Variants in RANBP2 observed in about 807,000 individuals in gnomAD.
RANBP2 encodes the protein E3 SUMO-protein ligase RanBP2.
A neutral mutation model predicts 303.6 loss-of-function variants in RANBP2; 57 were observed. The observed-to-expected ratio is 0.19, with a 90% CI of 0.15 to 0.23. RANBP2 has a LOEUF of 0.23. RANBP2 is among the 10% of genes least tolerant of loss of function. The probability of loss-of-function intolerance (pLI) is 1.00; values close to 1 mark genes in which losing one functional copy is unlikely to be tolerated. For synonymous variants in RANBP2, 1,167 were observed against 1,301.5 expected (o/e 0.90, Z 2.23); for missense variants, 3,138 against 3,780.8 (o/e 0.83, Z 4.46).
chr2:109,560,692 G>A, the RANBP2 span, among the ~76,000 whole-genome samples: 69 of 152,194 alleles, frequency 4.5e-4, no homozygotes, highest in African/African-American at 1.6e-3. Context: ...GACCTCCATT[G>A]TGCCTACCAC....
chr2:109,144,467 T>C, the RANBP2 span, among the ~76,000 whole-genome samples: 3 of 152,242 alleles, frequency 2.0e-5, no homozygotes, highest in African/African-American at 7.2e-5. Flanking sequence ...GTTTCCTGTG[T>C]GTCTGAAGGC....
At chr2:109,489,569 C>T in the RANBP2 span, among the ~76,000 whole-genome samples, 15 of 152,340 alleles carry the variant, frequency 9.8e-5, no homozygotes, top group Non-Finnish European at 2.9e-5. Flanking sequence ...CCAGGCTTGG[C>T]CAGGGTCCCG....
the RANBP2 span, among the ~76,000 whole-genome samples, chr2:109,168,214 T>C: frequency 6.6e-6 from 1 of 152,336 alleles, no homozygotes; most frequent in East Asian, 1.9e-4. Context: ...GGTTACAAAT[T>C]CAGAGCTTTT....
chr2:109,468,855 G>GAAAA, the RANBP2 span, among the ~76,000 whole-genome samples: 2 of 64,854 alleles, frequency 3.1e-5, no homozygotes, highest in African/African-American at 1.1e-4. Context: ...CTCTGTCTCA[G>GAAAA]AAAAAAAAAA....
At chr2:109,266,478 C>T in the RANBP2 span, among the ~76,000 whole-genome samples, 3 of 152,114 alleles carry the variant, frequency 2.0e-5, no homozygotes, top group Non-Finnish European at 2.9e-5. Context: ...GGTCCCAGAA[C>T]GGTATCCTTA....
the RANBP2 span, among the ~76,000 whole-genome samples, chr2:109,335,076 A>G: frequency 1.3e-5 from 2 of 152,210 alleles, no homozygotes; most frequent in African/African-American, 2.4e-5. Context: ...GCCTGGGATC[A>G]TGGTGGTCAT....
chr2:109,481,270 T>C, the RANBP2 span, among the ~76,000 whole-genome samples: 1 of 152,238 alleles, frequency 6.6e-6, no homozygotes, highest in African/African-American at 2.4e-5. Context: ...CCAGTCACCA[T>C]GCTGTCACCA....
the RANBP2 span, among the ~76,000 whole-genome samples, chr2:109,345,944 T>C: frequency 6.6e-6 from 1 of 152,200 alleles, no homozygotes; most frequent in Non-Finnish European, 1.5e-5. Context: ...AGCCAAAAAA[T>C]ATCTTCAGAC....
intron 26 of RANBP2, among the ~76,000 whole-genome samples, chr2:108,781,655 AT>A (rs1300610375): frequency 2.0e-5 from 3 of 152,062 alleles, no homozygotes; most frequent in East Asian, 3.8e-4. Flanking sequence ...GTAAGAAATA[AT>A]TTTTTCTTAT....
chr2:108,766,581 A>T lies in RANBP2; in HGVS notation c.6042A>T (p.Glu2014Asp). ...AGGACAGCGATGACATCCATTTTGA[A>T]CCAGTAGTTCAAATGCCCGAAAAAG... The part of the protein sequence containing the change: ...KTEDSDDIHF[E>D]PVVQMPEKVE... The change falls in exon 20 of 29, where the codon GAA becomes GAT. Residue 2014 changes from glutamate to aspartate, a missense_variant. Physicochemically the swap from Glu to Asp is conservative, Grantham distance 45 (BLOSUM62 2). Coordinates refer to ENST00000283195, the MANE Select transcript of RANBP2 (RefSeq NM_006267.5). 1 of 1,611,994 alleles carries T rather than the reference A, an allele frequency of 6.2e-7. No individual in the cohort carries two copies.
At chr2:108,738,770 A>T (rs1322588319) in intron 6 of RANBP2, among the ~76,000 whole-genome samples, 1 of 151,438 alleles carries the variant, frequency 6.6e-6, no homozygotes, top group Non-Finnish European at 1.5e-5. Flanking sequence ...CTGGAATTAC[A>T]GGTGCCTACC....
the RANBP2 span, among the ~76,000 whole-genome samples, chr2:108,951,739 C>T: frequency 6.6e-6 from 1 of 152,122 alleles, no homozygotes; most frequent in Middle Eastern, 3.4e-3. Context: ...TTCTGCGAGT[C>T]CACGAGGTTC....
chr2:109,459,280 A>C, the RANBP2 span, among the ~76,000 whole-genome samples: 8 of 152,176 alleles, frequency 5.3e-5, no homozygotes, highest in Admixed American at 3.3e-4. Flanking sequence ...GGAAATACTT[A>C]CAACAGTTAC....
chr2:108,795,174 C>A, the RANBP2 span, among the ~76,000 whole-genome samples: 4 of 17,050 alleles, frequency 2.3e-4, no homozygotes, highest in South Asian at 4.1e-3. Context: ...TTTTTTTTTG[C>A]GATGGAATCT....
chr2:109,189,513 C>T, the RANBP2 span, among the ~76,000 whole-genome samples: 1 of 151,902 alleles, frequency 6.6e-6, no homozygotes, highest in African/African-American at 2.4e-5. Flanking sequence ...GGATTACAGG[C>T]ACACACCACC....
At chr2:109,469,930 C>A in the RANBP2 span, among the ~76,000 whole-genome samples, 35 of 152,292 alleles carry the variant, frequency 2.3e-4, no homozygotes, top group Non-Finnish European at 2.8e-4. Context: ...GCAGTGTTCT[C>A]AGAGCACTTT....
the RANBP2 span, among the ~76,000 whole-genome samples, chr2:109,273,153 G>C: frequency 6.6e-6 from 1 of 152,236 alleles, no homozygotes; most frequent in Non-Finnish European, 1.5e-5. Flanking sequence ...AAAATCCGCT[G>C]TACAGGAAAT....
chr2:108,788,072 G>A (rs1351244799), downstream of RANBP2: 2 of 1,598,172 alleles, frequency 1.3e-6, no homozygotes, highest in African/African-American at 2.7e-5. Flanking sequence ...TATAAGAGAA[G>A]AACTCTAACC....
the RANBP2 span, among the ~76,000 whole-genome samples, chr2:109,525,559 C>T: frequency 1.4e-4 from 22 of 152,292 alleles, no homozygotes; most frequent in Admixed American, 1.3e-3. Flanking sequence ...GGGCTGGTGA[C>T]GTGAACCCCA....
Sources: gnomAD v4.1 joint callset for allele counts (sites outside exome capture counted in the v4.1 genomes callset) on GRCh38, gnomAD v4.1.1 for gene constraint, MANE v1.5 for transcripts, NCBI Gene and HGNC (gene_info 2026-07-23, HGNC 2026-07-21) for gene names.